The following LGI2 variants were observed in gnomAD, a reference collection of about 807,000 sequenced individuals.
LGI2 encodes the protein leucine-rich repeat LGI family member 2.
LGI2 carries 30 observed loss-of-function variants against 52.0 expected under a neutral mutation model. That is an observed-to-expected ratio of 0.58 (90% CI 0.43 to 0.78). The LOEUF is 0.78. LGI2 is among the 30% of genes least tolerant of loss of function. The pLI is 0.00. For missense variants in LGI2, 573 were observed against 692.5 expected, an observed-to-expected ratio of 0.83 and a Z score of 1.94; for synonymous variants, 270 against 271.8, an observed-to-expected ratio of 0.99 and a Z score of 0.06.
At chr4:24,993,371 G>A in the LGI2 span, among the ~76,000 whole-genome samples, 1 of 152,156 alleles carries the variant, frequency 6.6e-6, no homozygotes, top group Non-Finnish European at 1.5e-5. Context: ...TATGAAAGTG[G>A]CTGCTTTGTG....
At chr4:25,027,779 T>C (rs1726196151) in intron 2 of LGI2, among the ~76,000 whole-genome samples, 1 of 152,262 alleles carries the variant, frequency 6.6e-6, no homozygotes, top group Non-Finnish European at 1.5e-5. Flanking sequence ...ACTTTGCCTG[T>C]CACTGGATTG....
intron 7 of LGI2, among the ~76,000 whole-genome samples, chr4:25,011,788 C>T (rs1725592891): frequency 6.6e-6 from 1 of 152,148 alleles, no homozygotes; most frequent in African/African-American, 2.4e-5. Context: ...CATGACGGCA[C>T]TGAAAGAAGC....
At chr4:25,020,505 T>C (rs1725920759) in intron 4 of LGI2, among the ~76,000 whole-genome samples, 1 of 152,254 alleles carries the variant, frequency 6.6e-6, no homozygotes, top group Non-Finnish European at 1.5e-5. Flanking sequence ...GCCAAGAAAC[T>C]GATGCCTACT....
At chr4:24,992,637 C>T in the LGI2 span, among the ~76,000 whole-genome samples, 13 of 152,246 alleles carry the variant, frequency 8.5e-5, no homozygotes, top group African/African-American at 2.9e-4. Flanking sequence ...GAGCCAAGAT[C>T]GTGCCATTGC....
At chr4:25,014,830 CAAAAAAAA>C (rs60168915) in intron 6 of LGI2, among the ~76,000 whole-genome samples, 15 of 85,800 alleles carry the variant, frequency 1.7e-4, no homozygotes, top group African/African-American at 5.1e-4. Flanking sequence ...GACCTTGTCT[CAAAAAAAA>C]AAAAAAAAAA....
At chr4:25,015,125 AC>A (rs1470565808) in intron 6 of LGI2, among the ~76,000 whole-genome samples, 5 of 152,252 alleles carry the variant, frequency 3.3e-5, no homozygotes, top group African/African-American at 9.6e-5. Context: ...TGGGACTCTT[AC>A]AATTTAGGCC....
intron 3 of LGI2, among the ~76,000 whole-genome samples, chr4:25,025,155 C>T (rs146601818): frequency 6.6e-6 from 1 of 152,220 alleles, no homozygotes; most frequent in African/African-American, 2.4e-5. Flanking sequence ...TGGGTAAAAA[C>T]ATCCTGGGGA....
At position 25,018,177 on chromosome 4, in the gene LGI2, C is replaced by T. The variant is rs1209194988; in HGVS notation, c.486-19G>A. On this transcript the variant is annotated intron_variant, in intron 5 of 7. Coordinates refer to ENST00000382114, the MANE Select transcript of LGI2 (RefSeq NM_018176.4). ...CAAATCTCTAAAAATCAAAATAAAA[C>T]ACAAACACATACAAAGAGAAATAGA... The T allele has an allele frequency of 1.9e-6, 3 of 1,558,552 alleles. No individual in the cohort carries two copies. The highest frequency in any genetic ancestry group is 3.8e-5 in the Admixed American group (2 of 52,870).
At chr4:25,009,513 C>T (rs544896133) in intron 7 of LGI2, among the ~76,000 whole-genome samples, 1 of 152,322 alleles carries the variant, frequency 6.6e-6, no homozygotes, top group East Asian at 1.9e-4. Flanking sequence ...TAGCACATTT[C>T]TGTCTGATGT....
At chr4:25,016,065 A>G (rs566692061) in intron 6 of LGI2, among the ~76,000 whole-genome samples, 3 of 152,332 alleles carry the variant, frequency 2.0e-5, no homozygotes, top group Admixed American at 6.5e-5. Context: ...AAAATGTGTT[A>G]AGGCCTCTTG....
chr4:24,996,440 T>A (rs896098045), downstream of LGI2, among the ~76,000 whole-genome samples: 2 of 152,220 alleles, frequency 1.3e-5, no homozygotes, highest in African/African-American at 4.8e-5. Context: ...AGGAAAATGA[T>A]GTAAACTAGA....
At chr4:25,018,321 G>C (rs1725837797) in intron 5 of LGI2, among the ~76,000 whole-genome samples, 163 bp from the exon 6 acceptor site, 1 of 152,120 alleles carries the variant, frequency 6.6e-6, no homozygotes, top group Non-Finnish European at 1.5e-5. Context: ...CCTGTTTCTT[G>C]TATCTATCAT....
chr4:25,009,397 A>G (rs951610742), intron 7 of LGI2, among the ~76,000 whole-genome samples: 8 of 152,066 alleles, frequency 5.3e-5, no homozygotes. Context: ...GTCTTATTCA[A>G]GTAGCACCTT....
At chr4:25,026,748 G>A in intron 3 of LGI2, 120 bp downstream of exon 3, 1 of 765,284 alleles carries the variant, frequency 1.3e-6, no homozygotes, top group Non-Finnish European at 2.4e-6. Flanking sequence ...AGAGAATGGG[G>A]TGTTCTCCAG....
intron 2 of LGI2, among the ~76,000 whole-genome samples, chr4:25,027,964 G>T (rs1044331332): frequency 5.3e-5 from 8 of 152,326 alleles, no homozygotes; most frequent in Non-Finnish European, 8.8e-5. Context: ...ATCTGGCTCT[G>T]ATTTGGGACA....
chr4:25,020,878 T>C (rs1052033247), intron 4 of LGI2, among the ~76,000 whole-genome samples: 1 of 152,190 alleles, frequency 6.6e-6, no homozygotes, highest in Non-Finnish European at 1.5e-5. Context: ...TTTTTAACTG[T>C]GTTGGAAAAT....
In LGI2 at chr4:25,001,424, G is replaced by C. The variant is rs756130500; in HGVS notation, c.*2027C>G. The C allele has an allele frequency of 3.9e-5, 6 of 152,134 alleles. No homozygotes were observed. Among genetic ancestry groups the C allele is most frequent in the African/African-American group, 1.2e-4 (5 of 41,436 alleles). The allele number at this position is 152,134 out of a possible 1,614,324, so 9.4% of individuals were successfully genotyped here. ...GCCAAGTACCCATTTTTCTGCCCAG[G>C]TTTATCTGAGTGGTTCCATGCAACA... On this transcript the variant is annotated 3_prime_UTR_variant, in exon 8 of 8. Transcript: ENST00000382114.
intron 4 of LGI2, among the ~76,000 whole-genome samples, chr4:25,019,450 G>C (rs1026540183): frequency 3.3e-5 from 5 of 151,784 alleles, no homozygotes; most frequent in African/African-American, 9.7e-5. Context: ...CACTTTTTAA[G>C]CTCTTTATGT....
intron 7 of LGI2, among the ~76,000 whole-genome samples, chr4:25,008,298 AT>A (rs1725457815): frequency 6.6e-6 from 1 of 152,162 alleles, no homozygotes; most frequent in African/African-American, 2.4e-5. Context: ...CACACCTGTA[AT>A]CCTAACACTT....
Sources: gnomAD v4.1 joint callset for allele counts (sites outside exome capture counted in the v4.1 genomes callset) on GRCh38, gnomAD v4.1.1 for gene constraint, MANE v1.5 for transcripts, NCBI Gene and HGNC (gene_info 2026-07-23, HGNC 2026-07-21) for gene names.